The following KIRREL3 variants were observed in gnomAD, a reference collection of about 807,000 sequenced individuals.
The protein encoded by KIRREL3 is kirre like nephrin family adhesion molecule 3, also known as kin of IRRE-like protein 3.
Under a neutral mutation model 89.7 loss-of-function variants are expected in KIRREL3, and 36 were observed. That is an observed-to-expected ratio of 0.40 (90% CI 0.31 to 0.53). The LOEUF is 0.53. KIRREL3 is among the 20% of genes least tolerant of loss of function. The pLI is 0.49. For synonymous variants in KIRREL3, 445 were observed against 441.4 expected (o/e 1.01, Z -0.10); for missense variants, 864 against 1,056.6 (o/e 0.82, Z 2.53).
At chr11:126,842,635 G>C (rs535810323) in intron 1 of KIRREL3, among the ~76,000 whole-genome samples, 9 of 152,260 alleles carry the variant, frequency 5.9e-5, no homozygotes, top group South Asian at 4.2e-4. Context: ...GGTCAGACCT[G>C]GCTTGGCCTA....
chr11:126,785,244 G>A (rs971258961), intron 1 of KIRREL3, among the ~76,000 whole-genome samples: 1 of 152,184 alleles, frequency 6.6e-6, no homozygotes, highest in African/African-American at 2.4e-5. Flanking sequence ...GTGACAGCAA[G>A]CCAGGTGTCT....
chr11:126,786,835 T>C (rs1328162165), intron 1 of KIRREL3, among the ~76,000 whole-genome samples: 1 of 152,162 alleles, frequency 6.6e-6, no homozygotes, highest in African/African-American at 2.4e-5. Flanking sequence ...AAGCCCTCAT[T>C]TGATTTCCTA....
intron 8 of KIRREL3, among the ~76,000 whole-genome samples, chr11:126,448,484 T>G (rs1238511998): frequency 6.6e-6 from 1 of 152,138 alleles, no homozygotes; most frequent in Non-Finnish European, 1.5e-5. Context: ...CATGATGGCC[T>G]GCGTGCTTGT....
At chr11:126,437,913 A>G (rs529633952) in intron 11 of KIRREL3, among the ~76,000 whole-genome samples, 435 of 152,314 alleles carry the variant, frequency 2.9e-3, no homozygotes, top group African/African-American at 9.2e-3. Context: ...GCTCACACAC[A>G]CAAGTACACA....
chr11:126,565,966 C>T lies in KIRREL3; in HGVS notation c.56-3054G>A, dbSNP rs1471591412. On this transcript the variant is annotated intron_variant, in intron 1 of 16. Transcript: ENST00000525144. This position sits in a 1 kb window ranked among gnomAD's most constrained non-coding sequence, Gnocchi z 5.4. The stretch of plus-strand genomic sequence containing the variant: ...TCTTTGTGAGGTAGATCAGCCACCA[C>T]CAGACTGTCACCTTCCTTGTCCCAT... Among the ~76,000 whole-genome samples the T allele has an allele frequency of 2.6e-5, 4 of 152,176 alleles. No homozygotes were observed. Among genetic ancestry groups the T allele is most frequent in the Admixed American group, 6.5e-5 (1 of 15,278 alleles).
In KIRREL3 at chr11:126,860,914, G is replaced by A. The variant is rs1051546771; in HGVS notation, c.55+139541C>T. Among the ~76,000 whole-genome samples the A allele has an allele frequency of 7.9e-5, 12 of 152,134 alleles. No individual in the cohort carries two copies. Among genetic ancestry groups the A allele is most frequent in the Admixed American group, 2.0e-4 (3 of 15,278 alleles). ...ACCTCCTTTGTACCACTCTTGGTAC[G>A]TGCCACCTCCTATACAAAGCCTCTC... On this transcript the variant is annotated intron_variant, in intron 1 of 16. Coordinates refer to ENST00000525144, the MANE Select transcript of KIRREL3 (RefSeq NM_032531.4). This position sits in a 1 kb window ranked among gnomAD's most constrained non-coding sequence, Gnocchi z 4.6.
chr11:126,434,892 G>A (rs1235566882), intron 13 of KIRREL3, among the ~76,000 whole-genome samples: 1 of 152,140 alleles, frequency 6.6e-6, no homozygotes, highest in African/African-American at 2.4e-5. Flanking sequence ...GGAGAAGCGG[G>A]AAGGGTCGGA....
intron 1 of KIRREL3, among the ~76,000 whole-genome samples, chr11:126,893,504 T>C (rs1946009259): frequency 6.6e-6 from 1 of 152,234 alleles, no homozygotes; most frequent in Non-Finnish European, 1.5e-5. Flanking sequence ...GGGGACACTT[T>C]ACTTAATTTG....
rs1943171897 is a variant in KIRREL3, at chr11:126,612,439, C to T, written c.56-49527G>A. 1.3e-5 allele frequency among the ~76,000 whole-genome samples: 2 copies of T among 152,184 alleles called. No individual in the cohort carries two copies. The highest frequency in any genetic ancestry group is 6.5e-5 in the Admixed American group (1 of 15,278). ...TCTCTATGCATCCTATCACCTGGCT[C>T]TGCTACTAACTGTCTCATGAACTTG... On this transcript the variant is annotated intron_variant, in intron 1 of 16. Coordinates refer to ENST00000525144, the MANE Select transcript of KIRREL3 (RefSeq NM_032531.4). This position sits in a 1 kb window ranked among gnomAD's most constrained non-coding sequence, Gnocchi z 4.5.
rs1175494006 is a variant in KIRREL3 at position 126,496,094 on chromosome 11, TCA to T, written c.434-22630_434-22629del. ...CCAGAACCATTCAGCTAAGCCAGGC[TCA>T]GTTTCTTGACCTGCAGAAACTGTGA... On this transcript the variant is annotated intron_variant, in intron 4 of 16. Coordinates refer to ENST00000525144, the MANE Select transcript of KIRREL3 (RefSeq NM_032531.4). This position sits in a 1 kb window ranked among gnomAD's most constrained non-coding sequence, Gnocchi z 4.9. 6.6e-6 allele frequency among the ~76,000 whole-genome samples: 1 copy of T among 152,160 alleles called. No homozygotes were observed. Among genetic ancestry groups the T allele is most frequent in the Non-Finnish European group, 1.5e-5 (1 of 68,022 alleles).
intron 1 of KIRREL3, among the ~76,000 whole-genome samples, chr11:126,786,047 T>TA (rs1157425705): frequency 1.3e-5 from 2 of 152,012 alleles, no homozygotes; most frequent in South Asian, 2.1e-4. Context: ...TCCTAAGCAC[T>TA]AAAAAAATCT....
At position 126,769,013 on chromosome 11, in the gene KIRREL3, C is replaced by T. The variant is rs371000202; in HGVS notation, c.56-206101G>A. Among the ~76,000 whole-genome samples the T allele has an allele frequency of 2.0e-5, 3 of 152,188 alleles. No individual in the cohort carries two copies. Among genetic ancestry groups the T allele is most frequent in the African/African-American group, 7.2e-5 (3 of 41,440 alleles). On this transcript the variant is annotated intron_variant, in intron 1 of 16. Transcript: ENST00000525144. The surrounding 1 kb of genome is among the most constrained non-coding windows in gnomAD (Gnocchi z 4.3). ...GCAGTTTCCCAAATACACATTTCCG[C>T]AGCACATTTCCATGCCTCTGCATAG...
chr11:126,438,828 T>C (rs1034466870), intron 11 of KIRREL3, among the ~76,000 whole-genome samples: 9 of 152,226 alleles, frequency 5.9e-5, no homozygotes, highest in Non-Finnish European at 1.3e-4. Flanking sequence ...GTTAACAGGA[T>C]GACAGTTTCA....
chr11:126,426,763 C>T (rs1224270563), intron 15 of KIRREL3, among the ~76,000 whole-genome samples: 1 of 152,162 alleles, frequency 6.6e-6, no homozygotes, highest in Non-Finnish European at 1.5e-5. Flanking sequence ...ACCTGCTTTC[C>T]TCGTTTCTTT....
At chr11:126,746,029 T>C (rs769318859) in intron 1 of KIRREL3, among the ~76,000 whole-genome samples, 8 of 152,204 alleles carry the variant, frequency 5.3e-5, no homozygotes, top group Non-Finnish European at 8.8e-5. Context: ...TCCTTGTCAC[T>C]GTTTGCTTTT....
At chr11:126,699,526 T>A (rs1182059105) in intron 1 of KIRREL3, among the ~76,000 whole-genome samples, 2 of 152,198 alleles carry the variant, frequency 1.3e-5, no homozygotes, top group Non-Finnish European at 2.9e-5. Flanking sequence ...AATAGTATGT[T>A]TTATTTTAGT....
chr11:126,891,779 G>C lies in KIRREL3; in HGVS notation c.55+108676C>G, dbSNP rs537160569. Among the ~76,000 whole-genome samples, 33 of 152,328 alleles carry C rather than the reference G, an allele frequency of 2.2e-4. No individual in the cohort carries two copies. The highest frequency in any genetic ancestry group is 7.9e-4 in the African/African-American group (33 of 41,588). The stretch of plus-strand genomic sequence containing the variant: ...ATGGGCAGGGCTGGGGTCAGACTCC[G>C]GTGACAGCAGCAGTGGACACAATCC... On this transcript the variant is annotated intron_variant, in intron 1 of 16. Transcript: ENST00000525144. The surrounding 1 kb of genome is among the most constrained non-coding windows in gnomAD (Gnocchi z 5.1).
At chr11:126,823,424 C>T (rs1943294155) in intron 1 of KIRREL3, among the ~76,000 whole-genome samples, 5 of 152,116 alleles carry the variant, frequency 3.3e-5, no homozygotes, top group Admixed American at 3.3e-4. Flanking sequence ...GCAGAATGGC[C>T]TCAGCAGGAA....
upstream of KIRREL3, chr11:127,000,966 G>C (rs900193644): frequency 3.4e-6 from 1 of 295,544 alleles, no homozygotes; most frequent in Non-Finnish European, 6.2e-6. The surrounding 1 kb of genome is among the most constrained non-coding windows in gnomAD (Gnocchi z 7.1). Context: ...GGGGGAAAAG[G>C]CTGTGTTCTT....
Sources: allele counts gnomAD v4.1 joint callset (sites outside exome capture counted in the v4.1 genomes callset), GRCh38; gene constraint gnomAD v4.1.1; non-coding constraint Gnocchi (gnomAD v3.1); transcripts MANE v1.5; gene names NCBI Gene and HGNC (gene_info 2026-07-23, HGNC 2026-07-21).